SLIT3: variants seen among roughly 807,000 people sequenced by gnomAD.
SLIT3 encodes the protein slit guidance ligand 3.
A neutral mutation model predicts 184.0 loss-of-function variants in SLIT3; 68 were observed. The observed-to-expected ratio is 0.37, with a 90% CI of 0.30 to 0.45. The LOEUF is 0.45. SLIT3 is among the 20% of genes least tolerant of loss of function. The probability of loss-of-function intolerance (pLI) is 1.00; values close to 1 mark genes in which losing one functional copy is unlikely to be tolerated. For missense variants in SLIT3, 1,707 were observed against 2,026.0 expected (o/e 0.84, Z 3.02); for synonymous variants, 831 against 828.6 (o/e 1.00, Z -0.05).
At chr5:169,084,114 G>C (rs939262187) in intron 4 of SLIT3, among the ~76,000 whole-genome samples, 9 of 152,096 alleles carry the variant, frequency 5.9e-5, no homozygotes, top group Non-Finnish European at 1.3e-4. Context: ...GTTTGGCCGA[G>C]AGCGGGATAT....
intron 4 of SLIT3, among the ~76,000 whole-genome samples, chr5:169,188,448 T>C (rs555756025): frequency 2.5e-4 from 38 of 152,170 alleles, no homozygotes; most frequent in Non-Finnish European, 4.3e-4. Context: ...TGCAAGATCA[T>C]GCTCCATCCT....
intron 23 of SLIT3, among the ~76,000 whole-genome samples, chr5:168,714,397 G>T (rs1762653483): frequency 6.6e-6 from 1 of 152,146 alleles, no homozygotes; most frequent in African/African-American, 2.4e-5. Context: ...TGTGACACCT[G>T]CAAGTCAGGC....
At chr5:168,916,384 G>A (rs556087823) in intron 4 of SLIT3, among the ~76,000 whole-genome samples, 3 of 152,332 alleles carry the variant, frequency 2.0e-5, no homozygotes, top group South Asian at 4.1e-4. Flanking sequence ...GAGGTGCTTC[G>A]CTCTGCAAGA....
Position 169,247,287 on chromosome 5 carries a change from G to T in SLIT3, c.270-2511C>A, listed in dbSNP as rs1410018888. On this transcript the variant is annotated intron_variant, in intron 2 of 35. Coordinates refer to ENST00000519560, the MANE Select transcript of SLIT3 (RefSeq NM_003062.4). The stretch of plus-strand genomic sequence containing the variant: ...TTCCACCATATGCAAGGAGGGCCTT[G>T]GAATGCTAATAGTCTCACACTAGCA... Among the ~76,000 whole-genome samples the T allele has an allele frequency of 3.3e-5, 5 of 151,962 alleles. No homozygotes were observed. In the East Asian group the frequency reaches 7.7e-4, roughly 23 times the overall value.
chr5:168,985,832 G>T (rs1035698828), intron 4 of SLIT3, among the ~76,000 whole-genome samples: 2 of 151,828 alleles, frequency 1.3e-5, no homozygotes, highest in African/African-American at 2.4e-5. Flanking sequence ...GGAAAGGAGG[G>T]ATGATGGCGG....
chr5:168,830,015 T>G (rs1014148895), intron 6 of SLIT3, among the ~76,000 whole-genome samples: 13 of 152,180 alleles, frequency 8.5e-5, no homozygotes, highest in Non-Finnish European at 1.8e-4. Context: ...TCAGTCTTGC[T>G]GGGCAGCTGC....
At chr5:168,716,464 G>A (rs1762734359) in intron 23 of SLIT3, among the ~76,000 whole-genome samples, 1 of 152,210 alleles carries the variant, frequency 6.6e-6, no homozygotes, top group Admixed American at 6.5e-5. Flanking sequence ...TGGTTCAGAA[G>A]CACTCAGTCA....
intron 5 of SLIT3, among the ~76,000 whole-genome samples, chr5:168,848,203 A>G (rs1040820642): frequency 6.6e-6 from 1 of 152,220 alleles, no homozygotes; most frequent in Non-Finnish European, 1.5e-5. Context: ...GTCAGGGCTG[A>G]GCCCAAGCCG....
intron 2 of SLIT3, 89 bp downstream of exon 2, chr5:169,251,299 G>T: frequency 1.1e-6 from 1 of 872,548 alleles, no homozygotes; most frequent in Non-Finnish European, 2.0e-6. Context: ...CCAGGGCTTG[G>T]GAGTGTGATG....
intron 4 of SLIT3, among the ~76,000 whole-genome samples, chr5:168,982,999 T>G (rs117735722): frequency 6.6e-6 from 1 of 152,326 alleles, no homozygotes; most frequent in East Asian, 1.9e-4. Flanking sequence ...CATTTTTAGT[T>G]TCTTTTGAGA....
chr5:169,217,317 C>G (rs755888757), intron 3 of SLIT3, among the ~76,000 whole-genome samples: 1 of 152,038 alleles, frequency 6.6e-6, no homozygotes, highest in Non-Finnish European at 1.5e-5. Context: ...AATTCACACA[C>G]TCTCCACTTG....
chr5:169,121,769 C>T (rs903205039), intron 4 of SLIT3, among the ~76,000 whole-genome samples: 6 of 152,194 alleles, frequency 3.9e-5, no homozygotes, highest in African/African-American at 1.4e-4. Context: ...GGTTCTTGTG[C>T]ATAAAACCAT....
intron 1 of SLIT3, among the ~76,000 whole-genome samples, chr5:169,259,864 A>G: frequency 7.8e-6 from 1 of 128,280 alleles, no homozygotes; most frequent in African/African-American, 4.1e-5. Flanking sequence ...AGTCTAGCTG[A>G]GGATGAGCTA....
chr5:169,091,909 AAT>A (rs1445473095), intron 4 of SLIT3, among the ~76,000 whole-genome samples: 5 of 152,208 alleles, frequency 3.3e-5, no homozygotes, highest in Admixed American at 6.5e-5. Context: ...ATGTACCAGA[AAT>A]CACTGAGAGG....
At chr5:169,281,882 C>CA (rs1767009376) in intron 1 of SLIT3, among the ~76,000 whole-genome samples, 1 of 147,328 alleles carries the variant, frequency 6.8e-6, no homozygotes, top group African/African-American at 2.4e-5. Flanking sequence ...TTTTCCCCCC[C>CA]AGGGGACATT....
chr5:169,022,006 C>A (rs1756618488), intron 4 of SLIT3: 1 of 152,168 alleles, frequency 6.6e-6, no homozygotes, highest in Admixed American at 6.5e-5. Context: ...GATCTAAACC[C>A]TAAGTGTGCT....
intron 31 of SLIT3, 23 bp downstream of exon 31, chr5:168,685,664 G>A: frequency 1.3e-6 from 2 of 1,518,536 alleles, no homozygotes; most frequent in East Asian, 4.6e-5. Flanking sequence ...GTCCTTCCAA[G>A]GGCAGGGCAG....
chr5:168,886,565 G>A (rs4395646), intron 4 of SLIT3, among the ~76,000 whole-genome samples: 49,998 of 151,858 alleles, frequency 0.33, 8,776 homozygotes, highest in East Asian at 0.59. Flanking sequence ...CCCCTTTCAC[G>A]AGGGAAGCAG....
At chr5:168,881,891 C>A (rs1355047773) in intron 5 of SLIT3, among the ~76,000 whole-genome samples, 1 of 152,174 alleles carries the variant, frequency 6.6e-6, no homozygotes, top group African/African-American at 2.4e-5. Context: ...GCTGCTCCAC[C>A]CCGCCCTCTC....
Sources: allele counts gnomAD v4.1 joint callset (sites outside exome capture counted in the v4.1 genomes callset), GRCh38; gene constraint gnomAD v4.1.1; transcripts MANE v1.5; gene names NCBI Gene and HGNC (gene_info 2026-07-23, HGNC 2026-07-21).